Variants in SIPA1L3 observed in about 807,000 individuals in gnomAD.
SIPA1L3 encodes the protein signal induced proliferation associated 1 like 3, also known as signal-induced proliferation-associated 1-like protein 3.
A neutral mutation model predicts 150.1 loss-of-function variants in SIPA1L3; 59 were observed. The ratio of observed to expected loss-of-function variants is 0.39; its 90% CI spans 0.32 to 0.49. The LOEUF is 0.49. Ranked by LOEUF, SIPA1L3 falls within the 20% of genes least tolerant of loss-of-function variation. The pLI is 0.86. For synonymous variants in SIPA1L3, 1,070 were observed against 1,077.6 expected (o/e 0.99, Z 0.14); for missense variants, 2,211 against 2,489.5 (o/e 0.89, Z 2.38).
At position 37,914,374 on chromosome 19, in the gene SIPA1L3, A is replaced by ATTTTT. The variant is rs3049664; in HGVS notation, c.-379+7026_-379+7030dup. Among the ~76,000 whole-genome samples, 415 of 144,580 alleles carry ATTTTT rather than the reference A, an allele frequency of 2.9e-3. 6 individuals are homozygous for ATTTTT. The highest frequency in any genetic ancestry group is 8.3e-3 in the African/African-American group (325 of 39,074). The allele number at this position is 144,580 out of a possible 152,430, so 94.9% of individuals were successfully genotyped here. A position where few individuals can be genotyped will look rare whatever the true frequency, so the allele number is the denominator to read the frequency against. On this transcript the variant is annotated intron_variant, in intron 1 of 21. Coordinates refer to ENST00000222345, the MANE Select transcript of SIPA1L3 (RefSeq NM_015073.3). ...TAGTTTTCAAGTTGATACTACTTTA[A>ATTTTT]TTTTTTTTTTTTTTGTGGCAGGGTC... is the stretch of plus-strand genomic sequence containing the variant.
chr19:38,147,251 G>A (rs2145951091), intron 12 of SIPA1L3, among the ~76,000 whole-genome samples: 1 of 152,150 alleles, frequency 6.6e-6, no homozygotes, highest in African/African-American at 2.4e-5. Flanking sequence ...AGTAGAGACA[G>A]GGTTTCACCA....
At chr19:38,172,593 C>T (rs528151036) in intron 15 of SIPA1L3, among the ~76,000 whole-genome samples, 168 of 152,184 alleles carry the variant, frequency 1.1e-3, no homozygotes, top group African/African-American at 3.9e-3. Flanking sequence ...ATGACTAGAC[C>T]CTGAGGGTGA....
At chr19:38,124,361 A>T in intron 9 of SIPA1L3, among the ~76,000 whole-genome samples, 1 of 141,738 alleles carries the variant, frequency 7.1e-6, no homozygotes, top group African/African-American at 2.8e-5. Context: ...CACATCCCAG[A>T]CGGGGTGGCG....
intron 15 of SIPA1L3, among the ~76,000 whole-genome samples, chr19:38,179,974 C>T (rs537538293): frequency 6.6e-6 from 1 of 152,286 alleles, no homozygotes; most frequent in South Asian, 2.1e-4. Context: ...TCCTGAGTAG[C>T]TGAGATTACA....
chr19:38,114,417 CTT>C (rs1235409557), intron 8 of SIPA1L3, among the ~76,000 whole-genome samples: 1 of 127,674 alleles, frequency 7.8e-6, no homozygotes, highest in Non-Finnish European at 1.6e-5. Context: ...GAGCGAAACT[CTT>C]GTCTCAAAAA....
chr19:37,928,813 A>G (rs185044712), intron 1 of SIPA1L3, among the ~76,000 whole-genome samples: 366 of 152,362 alleles, frequency 2.4e-3, no homozygotes, highest in Middle Eastern at 6.8e-3. Flanking sequence ...TTATGATCTC[A>G]TATAACAAAG....
chr19:38,171,596 T>C (rs1329278674), intron 15 of SIPA1L3, among the ~76,000 whole-genome samples: 1 of 151,828 alleles, frequency 6.6e-6, no homozygotes, highest in Non-Finnish European at 1.5e-5. Context: ...TTTCACCATG[T>C]TGGCCAGGCT....
intron 9 of SIPA1L3, among the ~76,000 whole-genome samples, chr19:38,129,565 C>T (rs1230324978): frequency 6.7e-6 from 1 of 148,208 alleles, no homozygotes; most frequent in Non-Finnish European, 1.5e-5. Flanking sequence ...GCGGAGGTTG[C>T]AGTGAGCCGA....
chr19:38,132,147 G>C (rs1051056925), intron 10 of SIPA1L3, among the ~76,000 whole-genome samples: 1 of 152,178 alleles, frequency 6.6e-6, no homozygotes, highest in Non-Finnish European at 1.5e-5. Flanking sequence ...GCTGAGGTGG[G>C]AAAATCACTT....
intron 1 of SIPA1L3, among the ~76,000 whole-genome samples, chr19:37,985,194 T>C (rs1410121635): frequency 1.3e-5 from 2 of 151,500 alleles, no homozygotes; most frequent in African/African-American, 2.4e-5. Context: ...AAAATTGTTT[T>C]TTTCTTTTTT....
chr19:38,206,335 A>C lies in SIPA1L3; in HGVS notation c.*95A>C. On this transcript the variant is annotated 3_prime_UTR_variant, in exon 22 of 22. Transcript: ENST00000222345. ...TCAGCTCCCAGCTGCCGGTGTGACCAAGATGACCCATCCAGGGCCCTCCCC... is the reference window on the plus strand; with the variant it reads ...TCAGCTCCCAGCTGCCGGTGTGACCCAGATGACCCATCCAGGGCCCTCCCC... The C allele has an allele frequency of 2.8e-6, 4 of 1,409,980 alleles. No homozygotes were observed. The highest frequency in any genetic ancestry group is 2.8e-6 in the Non-Finnish European group (3 of 1,052,652). The allele number at this position is 1,409,980 out of a possible 1,614,324, so 87.3% of individuals were successfully genotyped here.
At chr19:38,188,173 T>C (rs1972729206) in intron 16 of SIPA1L3, among the ~76,000 whole-genome samples, 1 of 151,718 alleles carries the variant, frequency 6.6e-6, no homozygotes, top group Non-Finnish European at 1.5e-5. Context: ...AAACATGTTT[T>C]GTTGTTGTGG....
At chr19:38,125,005 A>G (rs913944631) in intron 9 of SIPA1L3, among the ~76,000 whole-genome samples, 6 of 149,724 alleles carry the variant, frequency 4.0e-5, no homozygotes, top group Admixed American at 2.0e-4. Flanking sequence ...AGAGAGGGAG[A>G]GGGAGACCGT....
chr19:38,041,423 C>A (rs1478527149), intron 2 of SIPA1L3, among the ~76,000 whole-genome samples: 1 of 151,768 alleles, frequency 6.6e-6, no homozygotes, highest in Non-Finnish European at 1.5e-5. Context: ...GGATTACAGG[C>A]GCACGCTACC....
Position 38,164,891 on chromosome 19 carries a change from C to T in SIPA1L3, c.4193C>T (p.Pro1398Leu), listed in dbSNP as rs776328042. 2 of 1,545,624 alleles carry T rather than the reference C, an allele frequency of 1.3e-6. No homozygotes were observed. Among genetic ancestry groups the T allele is most frequent in the Non-Finnish European group, 1.7e-6 (2 of 1,144,166 alleles). Residue 1398 changes from proline to leucine, a missense_variant, in exon 15 of 22, where the codon CCA (proline) becomes CTA (leucine). Coordinates refer to ENST00000222345, the MANE Select transcript of SIPA1L3 (RefSeq NM_015073.3). The surrounding 1 kb of genome is among the most constrained non-coding windows in gnomAD (Gnocchi z 4.1). ...GGACTGGCGGGGGGCAGCCGAGACC[C>T]ACCGAGGCAGCCCAGGTAAGCTGTT... ...PTGLAGGSRD[P>L]PRQPSDMGSR...
intron 10 of SIPA1L3, among the ~76,000 whole-genome samples, chr19:38,134,669 C>T (rs1002143605): frequency 7.2e-6 from 1 of 138,640 alleles, no homozygotes; most frequent in African/African-American, 2.7e-5. Context: ...TGCACCACTG[C>T]ACTCCAGCCT....
intron 12 of SIPA1L3, among the ~76,000 whole-genome samples, chr19:38,151,308 C>T (rs1329292958): frequency 6.6e-6 from 1 of 152,226 alleles, no homozygotes; most frequent in Admixed American, 6.5e-5. Flanking sequence ...TTTCTCAGCC[C>T]CTCCGCAGTT....
intron 2 of SIPA1L3, among the ~76,000 whole-genome samples, chr19:38,034,178 G>GA (rs750382727): frequency 7.2e-5 from 11 of 152,178 alleles, no homozygotes; most frequent in Non-Finnish European, 1.6e-4. Context: ...AGCCTTTCCT[G>GA]AGGAGGAAGC....
At chr19:37,908,902 G>A (rs1315874879) in intron 1 of SIPA1L3, among the ~76,000 whole-genome samples, 2 of 152,140 alleles carry the variant, frequency 1.3e-5, no homozygotes, top group Non-Finnish European at 2.9e-5. Context: ...AAGCCACTGA[G>A]TCCCCTGCAC....
Sources: gnomAD v4.1 joint callset for allele counts (sites outside exome capture counted in the v4.1 genomes callset) on GRCh38, gnomAD v4.1.1 for gene constraint, Gnocchi (gnomAD v3.1) non-coding constraint, MANE v1.5 for transcripts, NCBI Gene and HGNC (gene_info 2026-07-23, HGNC 2026-07-21) for gene names.